Variants in BCL7C observed in about 807,000 individuals in gnomAD.
The protein encoded by BCL7C is B-cell CLL/lymphoma 7 protein family member C.
BCL7C carries 8 observed loss-of-function variants against 26.2 expected under a neutral mutation model. The observed-to-expected ratio is 0.30, with a 90% CI of 0.18 to 0.55. The LOEUF is 0.55. Ranked by LOEUF, BCL7C falls within the 20% of genes least tolerant of loss-of-function variation. The probability of loss-of-function intolerance (pLI) is 0.93; values close to 1 mark genes in which losing one functional copy is unlikely to be tolerated. For missense variants in BCL7C, 262 were observed against 298.5 expected (o/e 0.88, Z 0.90); for synonymous variants, 90 against 116.5 (o/e 0.77, Z 1.47).
intron 4 of BCL7C, among the ~76,000 whole-genome samples, chr16:30,892,270 C>CAAAAA (rs55772061): frequency 2.2e-5 from 1 of 44,490 alleles, no homozygotes; most frequent in Non-Finnish European, 3.6e-5. Context: ...GACCCTTTCT[C>CAAAAA]AAAAAAAAAA....
At chr16:30,860,283 G>A (rs1246835916) in intron 5 of BCL7C, among the ~76,000 whole-genome samples, 3 of 152,108 alleles carry the variant, frequency 2.0e-5, no homozygotes, top group African/African-American at 4.8e-5. Flanking sequence ...TGATCACCGC[G>A]GGGATGTCTG....
At chr16:30,888,018 G>A in intron 5 of BCL7C, 28 bp from the exon 6 acceptor site, 1 of 1,593,524 alleles carries the variant, frequency 6.3e-7, no homozygotes, top group Non-Finnish European at 8.5e-7. Flanking sequence ...ACAGGCGTGA[G>A]CTCCACAGAA....
At chr16:30,839,724 C>T (rs1039882876) in intron 5 of BCL7C, among the ~76,000 whole-genome samples, 1 of 152,216 alleles carries the variant, frequency 6.6e-6, no homozygotes, top group African/African-American at 2.4e-5. Flanking sequence ...TTCAAAGCAT[C>T]TGGATAAGAG....
chr16:30,840,527 C>G (rs2054595684), intron 5 of BCL7C, among the ~76,000 whole-genome samples: 1 of 152,086 alleles, frequency 6.6e-6, no homozygotes, highest in African/African-American at 2.4e-5. Context: ...CATCAAATTC[C>G]AAGTTTTACA....
intron 4 of BCL7C, among the ~76,000 whole-genome samples, chr16:30,891,104 G>C (rs1159118864): frequency 6.8e-6 from 1 of 147,614 alleles, no homozygotes; most frequent in Non-Finnish European, 1.5e-5. Context: ...GGGAGGCAGA[G>C]TTTGCAGTGA....
intron 5 of BCL7C, among the ~76,000 whole-genome samples, chr16:30,852,756 T>A (rs1274321831): frequency 6.6e-6 from 1 of 151,946 alleles, no homozygotes; most frequent in Admixed American, 6.6e-5. Flanking sequence ...CCTCCCAAAG[T>A]GCTGAAATTA....
intron 5 of BCL7C, 26 bp from the exon 6 acceptor site, chr16:30,888,016 G>A: frequency 6.3e-7 from 1 of 1,592,632 alleles, no homozygotes; most frequent in Non-Finnish European, 8.5e-7. Context: ...GGACAGGCGT[G>A]AGCTCCACAG....
chr16:30,845,407 G>C (rs754375208), intron 5 of BCL7C, among the ~76,000 whole-genome samples: 1 of 152,330 alleles, frequency 6.6e-6, no homozygotes, highest in Middle Eastern at 3.4e-3. Context: ...CTAATAGCCT[G>C]ACTCTCTACA....
Position 30,878,305 on chromosome 16 carries a change from C to T in BCL7C, c.528+10555G>A, listed in dbSNP as rs968236123. Among the ~76,000 whole-genome samples the T allele has an allele frequency of 2.1e-4, 32 of 151,110 alleles. 1 individual carries two copies. Among genetic ancestry groups the T allele is most frequent in the Middle Eastern group, 6.9e-3 (2 of 288 alleles). On this transcript the variant is annotated intron_variant, in intron 5 of 5. Transcript: ENST00000380317. ...CAGCACTTTGGGAGGCCGAGGGAGACGGATCACAAGGTCAGGAGATTGAGA... is the reference window on the plus strand; with the variant it reads ...CAGCACTTTGGGAGGCCGAGGGAGATGGATCACAAGGTCAGGAGATTGAGA...
At chr16:30,840,898 A>G (rs1274505966) in intron 5 of BCL7C, 1 of 152,148 alleles carries the variant, frequency 6.6e-6, no homozygotes, top group Non-Finnish European at 1.5e-5. Context: ...TGATTCAATT[A>G]CCTCTCACTG....
At chr16:30,888,112 C>T in intron 5 of BCL7C, 122 bp from the exon 6 acceptor site, 1 of 942,616 alleles carries the variant, frequency 1.1e-6, no homozygotes, top group Non-Finnish European at 1.6e-6. Context: ...AAGCCCAGGG[C>T]CAGATGCCCA....
intron 5 of BCL7C, among the ~76,000 whole-genome samples, chr16:30,856,061 A>T (rs552753959): frequency 0.025 from 3,072 of 124,502 alleles, 48 homozygotes; most frequent in Non-Finnish European, 0.036. Context: ...GACTCCATCT[A>T]AAAAAAAAAA....
At position 30,877,482 on chromosome 16, in the gene BCL7C, C is replaced by T. The variant is rs910108703; in HGVS notation, c.528+11378G>A. Among the ~76,000 whole-genome samples the T allele has an allele frequency of 6.7e-5, 10 of 149,492 alleles. No individual in the cohort carries two copies. In the East Asian group the frequency reaches 1.4e-3, roughly 21 times the overall value. ...TTGAGACGGAGTCTCGCTCTTTCAC[C>T]AGGCCCGAGTGCAGTGGCACTATCT... On this transcript the variant is annotated intron_variant, in intron 5 of 5. Transcript: ENST00000380317.
chr16:30,873,800 G>A (rs1168535917), intron 5 of BCL7C, among the ~76,000 whole-genome samples: 2 of 145,650 alleles, frequency 1.4e-5, no homozygotes, highest in East Asian at 2.1e-4. Flanking sequence ...GCAGTGAGCC[G>A]AGATCGAGTC....
intron 5 of BCL7C, chr16:30,851,319 C>T (rs1596586966): frequency 1.0e-5 from 2 of 199,002 alleles, no homozygotes; most frequent in African/African-American, 2.3e-5. Flanking sequence ...TGGCTCATCG[C>T]AACCTCCACC....
At chr16:30,883,536 CTTTTTTTTTTTTTTTTTT>C (rs71149065), downstream of BCL7C, among the ~76,000 whole-genome samples, 1 of 45,438 alleles carries the variant, frequency 2.2e-5, no homozygotes, top group East Asian at 9.2e-4. Flanking sequence ...GCCAAACTGG[CTTTTTTTTTTTTTTTTTT>C]TTTTTTTTTT....
intron 5 of BCL7C, among the ~76,000 whole-genome samples, chr16:30,847,297 T>C (rs1480621072): frequency 6.6e-6 from 1 of 152,208 alleles, no homozygotes; most frequent in Non-Finnish European, 1.5e-5. Flanking sequence ...TGGACCCAGA[T>C]GAAGCCAACA....
At chr16:30,890,821 A>G (rs1596625938) in intron 4 of BCL7C, among the ~76,000 whole-genome samples, 2 of 152,032 alleles carry the variant, frequency 1.3e-5, no homozygotes, top group South Asian at 2.1e-4. Context: ...CCTCGTCTCT[A>G]CTAAAAATAC....
chr16:30,887,320 G>GATAAATAA (rs796911153), downstream of BCL7C, among the ~76,000 whole-genome samples: 1 of 151,164 alleles, frequency 6.6e-6, no homozygotes, highest in Admixed American at 6.6e-5. Context: ...AAAAAATAGT[G>GATAAATAA]ATAAATAAAT....
Sources: gnomAD v4.1 joint callset for allele counts (sites outside exome capture counted in the v4.1 genomes callset) on GRCh38, gnomAD v4.1.1 for gene constraint, MANE v1.5 for transcripts, NCBI Gene and HGNC (gene_info 2026-07-23, HGNC 2026-07-21) for gene names.